Variants in TRPM7 observed in about 807,000 individuals in gnomAD.
TRPM7 encodes the protein transient receptor potential cation channel subfamily M member 7.
TRPM7 carries 134 observed loss-of-function variants against 229.7 expected under a neutral mutation model. That is an observed-to-expected ratio of 0.58 (90% CI 0.51 to 0.67). The LOEUF (loss-of-function observed/expected upper bound fraction) is 0.67, where lower values mean the gene tolerates loss of function less well. Ranked by LOEUF, TRPM7 falls within the 30% of genes least tolerant of loss-of-function variation. The pLI, the probability that TRPM7 is intolerant of heterozygous loss-of-function variation, is 0.00. For synonymous variants in TRPM7, 699 were observed against 715.2 expected, an observed-to-expected ratio of 0.98 and a Z score of 0.36; for missense variants, 1,901 against 2,210.0, an observed-to-expected ratio of 0.86 and a Z score of 2.80.
intron 25 of TRPM7, among the ~76,000 whole-genome samples, chr15:50,593,262 C>T (rs1181817252): frequency 1.3e-5 from 2 of 150,924 alleles, no homozygotes; most frequent in Non-Finnish European, 3.0e-5. Flanking sequence ...GTACTCCAGC[C>T]GGGGCAAAAG....
intron 23 of TRPM7, 49 bp from the exon 24 acceptor site, chr15:50,594,662 T>TAA: frequency 8.0e-7 from 1 of 1,246,324 alleles, no homozygotes; most frequent in South Asian, 1.5e-5. Flanking sequence ...AATCATCTCT[T>TAA]AAAGTTTTAA....
At position 50,680,578 on chromosome 15, in the gene TRPM7, A is replaced by C. The variant is rs148096487; in HGVS notation, c.3+5953T>G. Among the ~76,000 whole-genome samples the C allele has an allele frequency of 4.5e-3, 677 of 152,096 alleles. 7 individuals are homozygous for C. Among genetic ancestry groups the C allele is most frequent in the African/African-American group, 0.015 (642 of 41,524 alleles). On this transcript the variant is annotated intron_variant, in intron 1 of 38. Coordinates refer to ENST00000646667, the MANE Select transcript of TRPM7 (RefSeq NM_017672.6). ...AGAGAGACACTTGTCTCAAAAAAAA[A>C]AAAACAAAAACCAGACAACTGAGTT...
chr15:50,617,271 G>A (rs2060250979), intron 13 of TRPM7, among the ~76,000 whole-genome samples: 2 of 151,352 alleles, frequency 1.3e-5, no homozygotes, highest in Non-Finnish European at 2.9e-5. Context: ...AGAGGCAGTG[G>A]GTGCAGTTAG....
chr15:50,599,430 C>T (rs1328458767), intron 21 of TRPM7, 134 bp from the exon 22 acceptor site: 3 of 547,168 alleles, frequency 5.5e-6, no homozygotes, highest in Non-Finnish European at 6.2e-6. Context: ...CTTTTTGTTC[C>T]TAGTGATAGC....
At chr15:50,680,704 T>G (rs1387120770) in intron 1 of TRPM7, among the ~76,000 whole-genome samples, 2 of 152,198 alleles carry the variant, frequency 1.3e-5, no homozygotes, top group Middle Eastern at 3.2e-3. Flanking sequence ...CAGCAAACTT[T>G]TTAAGTTATA....
chr15:50,574,925 G>A lies in TRPM7; in HGVS notation c.4946C>T (p.Ser1649Phe). Residue 1649 changes from serine (S) to phenylalanine (F), a missense_variant, in exon 34 of 39, where the codon TCT (serine) becomes TTT (phenylalanine). Transcript: ENST00000646667. The stretch of plus-strand genomic sequence containing the variant: ...TGTATTAACCACCTCTGGAAGAAAA[G>A]ATTTGATAATATAAAGATGCCCTGA... ...LKSGHLYIIK[S>F]FLPEVVNTWS... 1 of 1,613,928 alleles carries A rather than the reference G, an allele frequency of 6.2e-7. No individual in the cohort carries two copies. Among genetic ancestry groups the A allele is most frequent in the Non-Finnish European group, 8.5e-7 (1 of 1,179,850 alleles).
intron 1 of TRPM7, among the ~76,000 whole-genome samples, chr15:50,677,544 G>C (rs2062121545): frequency 6.6e-6 from 1 of 151,676 alleles, no homozygotes; most frequent in South Asian, 2.1e-4. Context: ...TTTGAGACCA[G>C]CCTGACCAAC....
At chr15:50,657,445 G>C (rs2061606782) in intron 3 of TRPM7, among the ~76,000 whole-genome samples, 1 of 152,060 alleles carries the variant, frequency 6.6e-6, no homozygotes, top group African/African-American at 2.4e-5. Context: ...CATTTTTCCA[G>C]GCCCAAATCT....
intron 1 of TRPM7, among the ~76,000 whole-genome samples, chr15:50,683,494 G>C (rs1297282244): frequency 6.6e-6 from 1 of 151,622 alleles, no homozygotes; most frequent in Non-Finnish European, 1.5e-5. Context: ...CAACACTTTG[G>C]GAGGCCGAGG....
chr15:50,569,761 G>C (rs1242298051), intron 38 of TRPM7, 126 bp downstream of exon 38: 2 of 502,254 alleles, frequency 4.0e-6, no homozygotes, highest in Non-Finnish European at 3.5e-6. Flanking sequence ...ATTTGCAAAA[G>C]AGCTGCTGAA....
At chr15:50,675,489 C>T (rs1358328972) in intron 1 of TRPM7, among the ~76,000 whole-genome samples, 5 of 152,134 alleles carry the variant, frequency 3.3e-5, no homozygotes, top group African/African-American at 7.2e-5. Flanking sequence ...TCATCATTTA[C>T]GGCCTTCACT....
intron 2 of TRPM7, among the ~76,000 whole-genome samples, chr15:50,658,132 G>C (rs2061629098): frequency 6.6e-6 from 1 of 151,422 alleles, no homozygotes; most frequent in Admixed American, 6.6e-5. Context: ...AGCCTCCCAA[G>C]TAGCTGGGAC....
At chr15:50,585,920 C>T (rs550084604) in intron 28 of TRPM7, among the ~76,000 whole-genome samples, 83 of 152,258 alleles carry the variant, frequency 5.5e-4, no homozygotes, top group African/African-American at 1.9e-3. Context: ...TAAGATTGTA[C>T]TGTCATACAT....
At chr15:50,616,498 T>C (rs879845001) in intron 13 of TRPM7, among the ~76,000 whole-genome samples, 1 of 152,074 alleles carries the variant, frequency 6.6e-6, no homozygotes, top group African/African-American at 2.4e-5. Flanking sequence ...ATGACCAGAA[T>C]AAGCAAATCA....
At chr15:50,659,189 T>C (rs567904414) in intron 2 of TRPM7, among the ~76,000 whole-genome samples, 80 of 139,642 alleles carry the variant, frequency 5.7e-4, no homozygotes, top group Non-Finnish European at 1.0e-3. Context: ...CGAGACTCCG[T>C]CTCAAAAAAA....
intron 9 of TRPM7, 84 bp from the exon 10 acceptor site, chr15:50,631,573 G>T: frequency 1.3e-6 from 1 of 797,632 alleles, no homozygotes; most frequent in Non-Finnish European, 2.1e-6. Context: ...CAAACTATAT[G>T]GGGGGCAAAA....
At chr15:50,620,288 G>GT (rs940074398) in intron 12 of TRPM7, among the ~76,000 whole-genome samples, 33 of 145,706 alleles carry the variant, frequency 2.3e-4, no homozygotes, top group East Asian at 1.4e-3. Flanking sequence ...AAAACATAGA[G>GT]TTTTTTTTTC....
At chr15:50,651,801 T>A (rs970251048) in intron 3 of TRPM7, among the ~76,000 whole-genome samples, 2 of 151,778 alleles carry the variant, frequency 1.3e-5, no homozygotes, top group Non-Finnish European at 2.9e-5. Context: ...GAGGCAGAAT[T>A]ACTTGAACCC....
intron 3 of TRPM7, among the ~76,000 whole-genome samples, chr15:50,657,045 C>G (rs1195761999): frequency 6.6e-6 from 1 of 152,084 alleles, no homozygotes; most frequent in African/African-American, 2.4e-5. Context: ...TAAAATCAGC[C>G]GGGCCTGGTG....
Sources: gnomAD v4.1 joint callset for allele counts (sites outside exome capture counted in the v4.1 genomes callset) on GRCh38, gnomAD v4.1.1 for gene constraint, MANE v1.5 for transcripts, NCBI Gene and HGNC (gene_info 2026-07-23, HGNC 2026-07-21) for gene names.